Variants in ARSJ observed in about 807,000 individuals in gnomAD.
ARSJ encodes arylsulfatase J.
ARSJ carries 26 observed loss-of-function variants against 35.9 expected under a neutral mutation model. The ratio of observed to expected loss-of-function variants is 0.72; its 90% CI spans 0.53 to 1.00. ARSJ has a LOEUF of 1.00. Ranked by LOEUF, ARSJ falls within the 50% of genes least tolerant of loss-of-function variation. The pLI, the probability that ARSJ is intolerant of heterozygous loss-of-function variation, is 0.00. For synonymous variants in ARSJ, 294 were observed against 267.6 expected, an observed-to-expected ratio of 1.10 and a Z score of -0.96; for missense variants, 667 against 723.6, an observed-to-expected ratio of 0.92 and a Z score of 0.90.
intron 1 of ARSJ, among the ~76,000 whole-genome samples, chr4:113,960,770 C>G (rs919496925): frequency 2.6e-5 from 4 of 151,916 alleles, no homozygotes; most frequent in African/African-American, 9.7e-5. Context: ...AAGAAAATTC[C>G]CTCAAAGTAG....
At chr4:113,925,606 C>T (rs927681063) in intron 1 of ARSJ, among the ~76,000 whole-genome samples, 4 of 152,116 alleles carry the variant, frequency 2.6e-5, no homozygotes, top group South Asian at 2.1e-4. Context: ...GTGAATTTCA[C>T]GAGCATGAAG....
chr4:113,924,090 T>A (rs376091928), intron 1 of ARSJ, among the ~76,000 whole-genome samples: 24 of 28,886 alleles, frequency 8.3e-4, no homozygotes, highest in African/African-American at 1.6e-3. Context: ...TATATATATA[T>A]ATATATATAT....
intron 1 of ARSJ, among the ~76,000 whole-genome samples, chr4:113,935,494 G>A (rs1562353836): frequency 6.6e-6 from 1 of 151,848 alleles, no homozygotes; most frequent in Non-Finnish European, 1.5e-5. Flanking sequence ...CTAAAGAGGA[G>A]GAACCTATTT....
At chr4:113,949,184 G>A (rs372616635) in intron 1 of ARSJ, among the ~76,000 whole-genome samples, 24 of 151,868 alleles carry the variant, frequency 1.6e-4, no homozygotes, top group African/African-American at 5.3e-4. Context: ...AGGGGGTTGC[G>A]GGTGGGGTGA....
intron 1 of ARSJ, among the ~76,000 whole-genome samples, chr4:113,971,567 T>C (rs1052256477): frequency 1.3e-5 from 2 of 152,214 alleles, no homozygotes; most frequent in African/African-American, 4.8e-5. Context: ...GGTTTGACTA[T>C]TGAGCCATTC....
rs13353736 is a variant in ARSJ at position 113,968,350 on chromosome 4, C to T, written c.398+10087G>A. ...GTTTATAATTTAGTGTATTCTTGTA[C>T]ACTCAGGGATTAAGAGGAAAGAAGT... On this transcript the variant is annotated intron_variant, in intron 1 of 1. Transcript: ENST00000315366. Among the ~76,000 whole-genome samples, 1,193 of 152,132 alleles carry T rather than the reference C, an allele frequency of 7.8e-3. 20 individuals carry two copies. Among genetic ancestry groups the T allele is most frequent in the African/African-American group, 0.027 (1,130 of 41,490 alleles).
intron 1 of ARSJ, chr4:113,970,781 C>G (rs1727194657): frequency 6.6e-6 from 1 of 152,046 alleles, no homozygotes; most frequent in African/African-American, 2.4e-5. Context: ...ATGGCAAAAC[C>G]CTGTCTCTAC....
chr4:113,930,604 C>T (rs1293028054), intron 1 of ARSJ, among the ~76,000 whole-genome samples: 2 of 152,090 alleles, frequency 1.3e-5, no homozygotes, highest in Admixed American at 1.3e-4. Flanking sequence ...TGAAAGTGAA[C>T]ATTTTTTTTA....
chr4:113,927,535 T>C (rs1724147291), intron 1 of ARSJ, among the ~76,000 whole-genome samples: 1 of 152,202 alleles, frequency 6.6e-6, no homozygotes, highest in Non-Finnish European at 1.5e-5. Flanking sequence ...TAAAGGTAAA[T>C]TGCTGGCCTT....
chr4:113,916,487 TA>T (rs1723307147), intron 1 of ARSJ, among the ~76,000 whole-genome samples: 1 of 151,628 alleles, frequency 6.6e-6, no homozygotes, highest in Non-Finnish European at 1.5e-5. Context: ...TAAAATTTTA[TA>T]AAAATGCTAG....
At chr4:113,939,595 T>C (rs1421169711) in intron 1 of ARSJ, among the ~76,000 whole-genome samples, 2 of 152,156 alleles carry the variant, frequency 1.3e-5, no homozygotes, top group African/African-American at 2.4e-5. Context: ...TTTTTAATGA[T>C]TGCCATTCTA....
Position 113,903,084 on chromosome 4 carries a change from G to A in ARSJ, c.990C>T (p.Gly330=). The change falls in exon 2 of 2, where the codon GGC becomes GGT. Residue 330 remains glycine, a synonymous_variant. Transcript: ENST00000315366. The part of the protein sequence containing the change: ...SIIIYSSDNG[G]QPTAGGSNWP... ...AGTTACTCCCTCCTGCCGTAGGCTG[G>A]CCACCATTATCTGAAGAGTAAATGA... 6.2e-7 allele frequency: 1 copy of A among 1,614,172 alleles called. No homozygotes were observed. The highest frequency in any genetic ancestry group is 8.5e-7 in the Non-Finnish European group (1 of 1,180,026).
chr4:113,962,188 C>G (rs1488590404), intron 1 of ARSJ, among the ~76,000 whole-genome samples: 3 of 152,004 alleles, frequency 2.0e-5, no homozygotes, highest in African/African-American at 4.8e-5. Context: ...GCCAGACAAG[C>G]ATGCTTGCCC....
At chr4:113,910,429 G>T (rs2099670107) in intron 1 of ARSJ, among the ~76,000 whole-genome samples, 2 of 152,104 alleles carry the variant, frequency 1.3e-5, no homozygotes, top group Admixed American at 1.3e-4. Flanking sequence ...TGGTTAGCGA[G>T]TAAAAAATAG....
chr4:113,910,196 C>G (rs1327197085), intron 1 of ARSJ, among the ~76,000 whole-genome samples: 4 of 152,044 alleles, frequency 2.6e-5, no homozygotes, highest in Admixed American at 2.6e-4. Flanking sequence ...AAGAAAAATG[C>G]TAAGTAGACC....
chr4:113,963,606 G>A (rs1726702185), intron 1 of ARSJ, among the ~76,000 whole-genome samples: 1 of 151,982 alleles, frequency 6.6e-6, no homozygotes, highest in Non-Finnish European at 1.5e-5. Flanking sequence ...GATGAGATTT[G>A]GGTAGGAACA....
chr4:113,967,253 A>C (rs1190639102), intron 1 of ARSJ, among the ~76,000 whole-genome samples: 1 of 152,180 alleles, frequency 6.6e-6, no homozygotes, highest in Admixed American at 6.5e-5. Context: ...AGGTAAACCT[A>C]AAAGGTTCAT....
intron 1 of ARSJ, among the ~76,000 whole-genome samples, chr4:113,930,117 G>A (rs1366834199): frequency 1.3e-5 from 2 of 151,932 alleles, no homozygotes; most frequent in African/African-American, 4.8e-5. Context: ...ACCATCCCTG[G>A]TACCCAAATC....
At chr4:113,919,332 T>C (rs1046835456) in intron 1 of ARSJ, among the ~76,000 whole-genome samples, 2 of 152,104 alleles carry the variant, frequency 1.3e-5, no homozygotes, top group African/African-American at 4.8e-5. Flanking sequence ...CGAACCAAGG[T>C]GACAGCAAGG....
Sources: gnomAD v4.1 joint callset for allele counts (sites outside exome capture counted in the v4.1 genomes callset) on GRCh38, gnomAD v4.1.1 for gene constraint, MANE v1.5 for transcripts, NCBI Gene and HGNC (gene_info 2026-07-23, HGNC 2026-07-21) for gene names.